The following PCDHA3 variants were observed in gnomAD, a reference collection of about 807,000 sequenced individuals.
PCDHA3 encodes protocadherin alpha-3.
Under a neutral mutation model 62.2 loss-of-function variants are expected in PCDHA3, and 41 were observed. The ratio of observed to expected loss-of-function variants is 0.66; its 90% CI spans 0.51 to 0.86. PCDHA3 has a LOEUF of 0.86. PCDHA3 is among the 40% of genes least tolerant of loss of function. The pLI is 0.00. For synonymous variants in PCDHA3, 640 were observed against 555.4 expected, an observed-to-expected ratio of 1.15 and a Z score of -2.14; for missense variants, 1,304 against 1,241.2, an observed-to-expected ratio of 1.05 and a Z score of -0.76.
At chr5:140,863,467 G>C (rs2048034330) in intron 1 of PCDHA3, 2 of 502,402 alleles carry the variant, frequency 4.0e-6, no homozygotes, top group Non-Finnish European at 7.8e-6. Context: ...TTTTACTCTG[G>C]AGAGTCGCCT....
chr5:140,877,698 C>T, intron 1 of PCDHA3: 2 of 1,613,958 alleles, frequency 1.2e-6, no homozygotes, highest in Non-Finnish European at 1.7e-6. Context: ...TGGTGTGCTC[C>T]AGCGCCGTGG....
chr5:140,866,372 AT>A (rs1191186521), intron 1 of PCDHA3: 2 of 152,168 alleles, frequency 1.3e-5, no homozygotes, highest in East Asian at 3.8e-4. Context: ...GCATACTTCA[AT>A]AACAATTTTA....
At chr5:140,856,403 G>T in intron 1 of PCDHA3, 2 of 1,598,562 alleles carry the variant, frequency 1.3e-6, no homozygotes, top group South Asian at 2.2e-5. Context: ...TTTCCATGTG[G>T]ACGTGGAAGT....
At chr5:140,903,403 C>T (rs2070268499) in intron 1 of PCDHA3, among the ~76,000 whole-genome samples, 1 of 152,156 alleles carries the variant, frequency 6.6e-6, no homozygotes, top group Non-Finnish European at 1.5e-5. Flanking sequence ...AACAGTAGTG[C>T]AGTCAGGAAA....
intron 1 of PCDHA3, chr5:140,882,941 A>G (rs2059372388): frequency 6.2e-7 from 1 of 1,614,128 alleles, no homozygotes; most frequent in African/African-American, 1.3e-5. Context: ...GCTGACTGGC[A>G]CAGTTCAGCT....
chr5:140,834,601 A>T (rs1377152360), intron 1 of PCDHA3: 1 of 1,613,930 alleles, frequency 6.2e-7, no homozygotes, highest in Non-Finnish European at 8.5e-7. Flanking sequence ...TTCCGTGGGG[A>T]TCTTCTGGAG....
rs1349826822 is a variant in PCDHA3, at chr5:140,911,368, C to A, written c.2395-67581C>A. Reference sequence around the variant, plus strand: ...CCTCATTTCAACAGTAGACACCTGGCAAGGCTGTGCATGCACCTTTCATTG... The same window carrying A: ...CCTCATTTCAACAGTAGACACCTGGAAAGGCTGTGCATGCACCTTTCATTG... On this transcript the variant is annotated intron_variant, in intron 1 of 3. Coordinates refer to ENST00000522353, the MANE Select transcript of PCDHA3 (RefSeq NM_018906.3). 3.3e-5 allele frequency among the ~76,000 whole-genome samples: 5 copies of A among 152,144 alleles called. No homozygotes were observed. The East Asian group carries it at 7.7e-4, about 23-fold the overall frequency.
At position 140,851,857 on chromosome 5, in the gene PCDHA3, C is replaced by T. The variant is rs532607539; in HGVS notation, c.2394+48266C>T. 3 of 972,984 alleles carry T rather than the reference C, an allele frequency of 3.1e-6. No individual in the cohort carries two copies. The African/African-American group carries it at 5.3e-5, about 17-fold the overall frequency. The allele number at this position is 972,984 out of a possible 1,614,324, so 60.3% of individuals were successfully genotyped here. ...AAAATATCTTTTTCTCCTCTCAGCT[C>T]ATACATAACACAAGGCAGAAATCTG... is the stretch of plus-strand genomic sequence containing the variant. On this transcript the variant is annotated intron_variant, in intron 1 of 3. Coordinates refer to ENST00000522353, the MANE Select transcript of PCDHA3 (RefSeq NM_018906.3).
intron 1 of PCDHA3, chr5:140,929,146 CAG>C (rs782305171): frequency 6.2e-7 from 1 of 1,614,180 alleles, no homozygotes; most frequent in Non-Finnish European, 8.5e-7. Flanking sequence ...GAGACTTTCT[CAG>C]ACTTATCTCT....
intron 1 of PCDHA3, chr5:140,822,763 T>A: frequency 6.2e-7 from 1 of 1,614,086 alleles, no homozygotes; most frequent in Non-Finnish European, 8.5e-7. Context: ...ATTCCCATTA[T>A]CAGGACACTG....
intron 3 of PCDHA3, among the ~76,000 whole-genome samples, chr5:141,001,514 C>A (rs2098022369): frequency 6.6e-6 from 1 of 152,210 alleles, no homozygotes; most frequent in Admixed American, 6.5e-5. Flanking sequence ...GCTTAGCTTT[C>A]TCCCTCTCTC....
intron 3 of PCDHA3, among the ~76,000 whole-genome samples, chr5:141,005,659 G>T (rs963015988): frequency 1.6e-5 from 2 of 123,890 alleles, no homozygotes; most frequent in South Asian, 2.6e-4. Flanking sequence ...TCGAGATCGC[G>T]CCACTGCACT....
chr5:140,987,244 A>T (rs1184597193), intron 3 of PCDHA3, among the ~76,000 whole-genome samples: 1 of 152,018 alleles, frequency 6.6e-6, no homozygotes, highest in Non-Finnish European at 1.5e-5. Context: ...ATAAAGAAAG[A>T]AAGACATTCT....
At chr5:140,883,551 G>C (rs375469569) in intron 1 of PCDHA3, 16 of 1,614,234 alleles carry the variant, frequency 9.9e-6, no homozygotes, top group Middle Eastern at 1.7e-4. Flanking sequence ...GTGACCGCGC[G>C]GGACGGGGGC....
At chr5:140,851,027 C>A in intron 1 of PCDHA3, 2 of 1,410,188 alleles carry the variant, frequency 1.4e-6, no homozygotes, top group Non-Finnish European at 1.9e-6. Flanking sequence ...TAAAGTAAAC[C>A]CCTTAACATT....
rs577872820 is a variant in PCDHA3, at chr5:140,862,061, T to G, written c.2394+58470T>G. Reference sequence around the variant, plus strand: ...AACCGTCACATTGTTTCTTTGCAACTGATGTCTCCCCTAACATAGAAGCCC... The same window carrying G: ...AACCGTCACATTGTTTCTTTGCAACGGATGTCTCCCCTAACATAGAAGCCC... On this transcript the variant is annotated intron_variant, in intron 1 of 3. Coordinates refer to ENST00000522353, the MANE Select transcript of PCDHA3 (RefSeq NM_018906.3). 26 of 155,902 alleles carry G rather than the reference T, an allele frequency of 1.7e-4. No homozygotes were observed. In the South Asian group the frequency reaches 2.8e-3, roughly 17 times the overall value. 9.7% of individuals were successfully genotyped at this position (155,902 alleles called of 1,614,324 possible).
chr5:140,834,475 T>G, intron 1 of PCDHA3: 1 of 1,614,156 alleles, frequency 6.2e-7, no homozygotes, highest in Non-Finnish European at 8.5e-7. Context: ...AGAGGCCAGC[T>G]CCACTACTCG....
At chr5:140,968,431 G>A in intron 1 of PCDHA3, 1 of 1,613,980 alleles carries the variant, frequency 6.2e-7, no homozygotes, top group Non-Finnish European at 8.5e-7. Context: ...AGGACAAGGG[G>A]AGCCCACCAC....
chr5:140,841,432 G>A (rs1365563680), intron 1 of PCDHA3: 5 of 1,612,878 alleles, frequency 3.1e-6, no homozygotes, highest in African/African-American at 1.3e-5. Flanking sequence ...CCGTCCCCGA[G>A]GAGGCCAAAC....
Sources: gnomAD v4.1 joint callset for allele counts (sites outside exome capture counted in the v4.1 genomes callset) on GRCh38, gnomAD v4.1.1 for gene constraint, MANE v1.5 for transcripts, NCBI Gene and HGNC (gene_info 2026-07-23, HGNC 2026-07-21) for gene names.